PAM: variants seen among roughly 807,000 people sequenced by gnomAD.
The protein encoded by PAM is peptidyl-glycine alpha-amidating monooxygenase.
A neutral mutation model predicts 122.1 loss-of-function variants in PAM; 72 were observed. The ratio of observed to expected loss-of-function variants is 0.59; its 90% CI spans 0.49 to 0.72. The LOEUF (loss-of-function observed/expected upper bound fraction) is 0.72, where lower values mean the gene tolerates loss of function less well. Ranked by LOEUF, PAM falls within the 30% of genes least tolerant of loss-of-function variation. The probability of loss-of-function intolerance (pLI) is 0.00; values close to 1 mark genes in which losing one functional copy is unlikely to be tolerated. For missense variants in PAM, 1,106 were observed against 1,183.7 expected (o/e 0.93, Z 0.96); for synonymous variants, 389 against 404.4 (o/e 0.96, Z 0.46).
chr5:103,018,044 C>A (rs1782525793), intron 22 of PAM, among the ~76,000 whole-genome samples: 2 of 152,094 alleles, frequency 1.3e-5, no homozygotes, highest in African/African-American at 4.8e-5. Context: ...CTCTAAAAAG[C>A]AGACTAACTT....
upstream of PAM, chr5:102,755,215 C>T (rs1241211648): frequency 2.0e-5 from 3 of 152,412 alleles, no homozygotes; most frequent in African/African-American, 7.2e-5. Flanking sequence ...AGAGGGAGCC[C>T]CCGCCACCGC....
chr5:102,803,095 C>A (rs960137021), intron 1 of PAM, among the ~76,000 whole-genome samples: 2 of 150,334 alleles, frequency 1.3e-5, no homozygotes, highest in Non-Finnish European at 1.5e-5. Flanking sequence ...TGCACTCCAG[C>A]CTGGGCAACA....
chr5:102,953,078 C>T (rs547878882), intron 12 of PAM, among the ~76,000 whole-genome samples: 5 of 152,214 alleles, frequency 3.3e-5, no homozygotes, highest in East Asian at 1.9e-4. Context: ...ACAGAAAAAC[C>T]GTTGACAGTA....
intron 1 of PAM, among the ~76,000 whole-genome samples, chr5:102,846,934 G>A (rs1358714649): frequency 6.6e-6 from 1 of 152,172 alleles, no homozygotes; most frequent in Non-Finnish European, 1.5e-5. Flanking sequence ...AGCAGGGAGA[G>A]ATTTTTGGAT....
intron 1 of PAM, among the ~76,000 whole-genome samples, chr5:102,797,038 T>A (rs1763543650): frequency 6.6e-6 from 1 of 152,244 alleles, no homozygotes; most frequent in African/African-American, 2.4e-5. Context: ...TTATTTTGAA[T>A]GTGCAACAGC....
chr5:102,846,253 G>T (rs1346666601), intron 1 of PAM, among the ~76,000 whole-genome samples: 1 of 152,156 alleles, frequency 6.6e-6, no homozygotes, highest in East Asian at 1.9e-4. Context: ...GCCAGAATGA[G>T]CTTGTAAAAC....
chr5:102,982,218 C>A lies in PAM; in HGVS notation c.1483+7782C>A, dbSNP rs113804017. On this transcript the variant is annotated intron_variant, in intron 15 of 25. Transcript: ENST00000438793. ...AGCCTGCCATCACCACTGCTGCCAG[C>A]ACCCACCTGCATGAGCCACAGGGGG... Among the ~76,000 whole-genome samples, 1,161 of 152,270 alleles carry A rather than the reference C, an allele frequency of 7.6e-3. 21 individuals carry two copies. The highest frequency in any genetic ancestry group is 0.025 in the African/African-American group (1,055 of 41,542).
intron 1 of PAM, among the ~76,000 whole-genome samples, chr5:102,862,538 G>A (rs1444291706): frequency 6.6e-6 from 1 of 152,130 alleles, no homozygotes; most frequent in African/African-American, 2.4e-5. Context: ...GAAATTTACA[G>A]TTTGGTAGTC....
intron 14 of PAM, among the ~76,000 whole-genome samples, chr5:102,969,921 C>T (rs901195902): frequency 8.6e-5 from 13 of 152,022 alleles, no homozygotes; most frequent in Non-Finnish European, 1.8e-4. Context: ...GGACAGACTT[C>T]CCAAAACACC....
Position 103,007,004 on chromosome 5 carries a change from G to A in PAM, c.2007G>A (p.Trp669Ter). 1 of 1,608,984 alleles carries A rather than the reference G, an allele frequency of 6.2e-7. No individual in the cohort carries two copies. The highest frequency in any genetic ancestry group is 8.5e-7 in the Non-Finnish European group (1 of 1,176,210). Residue 669 changes from tryptophan (W) to a stop codon, truncating the protein, a stop_gained, in exon 19 of 26, where the codon TGG becomes TGA. Transcript: ENST00000438793. LOFTEE classifies it high-confidence loss of function. ...CAAGTGGAAAGTTCATCACACAGTG[G>A]GGAGAAGGTACCCAATAAGACTCTT... is the stretch of plus-strand genomic sequence containing the variant. ...FSPSGKFITQ[W>*]GEESSGSSPL...
chr5:102,963,422 A>G (rs1763101977), intron 14 of PAM, among the ~76,000 whole-genome samples: 1 of 152,020 alleles, frequency 6.6e-6, no homozygotes. Flanking sequence ...GGGGGCTTTA[A>G]TTATTCAAAT....
chr5:102,971,098 C>T (rs1765695486), intron 14 of PAM, among the ~76,000 whole-genome samples: 1 of 152,104 alleles, frequency 6.6e-6, no homozygotes, highest in Non-Finnish European at 1.5e-5. Context: ...AGCCACCGTG[C>T]CCAGTCCTAA....
At position 102,987,068 on chromosome 5, in the gene PAM, G is replaced by T. The variant is rs114207381; in HGVS notation, c.1484-3204G>T. On this transcript the variant is annotated intron_variant, in intron 15 of 25. Transcript: ENST00000438793. ...CCAATGACATTTTTCACAAAGGAAA[G>T]GAAGTCAATCAAAGGGATAACTGTA... Among the ~76,000 whole-genome samples, 1,075 of 152,228 alleles carry T rather than the reference G, an allele frequency of 7.1e-3. 8 individuals carry two copies. The highest frequency in any genetic ancestry group is 0.012 in the Non-Finnish European group (840 of 68,002).
intron 7 of PAM, among the ~76,000 whole-genome samples, chr5:102,938,144 A>G (rs1012395332): frequency 2.6e-5 from 4 of 152,164 alleles, no homozygotes; most frequent in Admixed American, 2.6e-4. Flanking sequence ...AATGATCTGA[A>G]AGAAGCCTAT....
intron 21 of PAM, among the ~76,000 whole-genome samples, chr5:103,012,393 T>G (rs1278877247): frequency 1.3e-5 from 2 of 152,232 alleles, no homozygotes; most frequent in Admixed American, 1.3e-4. Context: ...CTTCACAGTT[T>G]GAGGTCTTAG....
chr5:102,900,268 G>T, intron 3 of PAM, among the ~76,000 whole-genome samples: 1 of 101,884 alleles, frequency 9.8e-6, no homozygotes, highest in Non-Finnish European at 1.9e-5. Context: ...GGGGGGGCGG[G>T]GGGAAGAGGG....
At chr5:102,814,427 T>G (rs550148154) in intron 1 of PAM, among the ~76,000 whole-genome samples, 2 of 151,998 alleles carry the variant, frequency 1.3e-5, no homozygotes, top group African/African-American at 4.8e-5. Flanking sequence ...TGGGTGATGG[T>G]GCACTAAGTA....
chr5:102,938,550 GTTC>G (rs1173645234), intron 7 of PAM, among the ~76,000 whole-genome samples: 1 of 152,138 alleles, frequency 6.6e-6, no homozygotes, highest in African/African-American at 2.4e-5. Flanking sequence ...TTTACATTTA[GTTC>G]TTCTAGTTTT....
At chr5:102,879,271 A>C (rs1790224554) in intron 3 of PAM, among the ~76,000 whole-genome samples, 1 of 152,148 alleles carries the variant, frequency 6.6e-6, no homozygotes, top group African/African-American at 2.4e-5. Context: ...CCTAATGTAC[A>C]GTGTTTATAA....
Sources: allele counts gnomAD v4.1 joint callset (sites outside exome capture counted in the v4.1 genomes callset), GRCh38; gene constraint gnomAD v4.1.1; transcripts MANE v1.5; gene names NCBI Gene and HGNC (gene_info 2026-07-23, HGNC 2026-07-21).